Variants in KCNJ6 observed in about 807,000 individuals in gnomAD.
KCNJ6 encodes the protein potassium inwardly rectifying channel subfamily J member 6.
Under a neutral mutation model 34.2 loss-of-function variants are expected in KCNJ6, and 9 were observed. That is an observed-to-expected ratio of 0.26 (90% CI 0.16 to 0.46). KCNJ6 has a LOEUF of 0.46. KCNJ6 is among the 20% of genes least tolerant of loss of function. KCNJ6 has a pLI of 1.00. For missense variants in KCNJ6, 236 were observed against 531.3 expected (o/e 0.44, Z 5.46); for synonymous variants, 196 against 207.1 (o/e 0.95, Z 0.46).
At chr21:37,826,853 C>A in intron 2 of KCNJ6, among the ~76,000 whole-genome samples, 1 of 152,088 alleles carries the variant, frequency 6.6e-6, no homozygotes, top group East Asian at 1.9e-4. Context: ...CACACACAAG[C>A]AGAGAGTAGC....
intron 3 of KCNJ6, among the ~76,000 whole-genome samples, chr21:37,707,020 C>T (rs968444697): frequency 1.3e-5 from 2 of 152,224 alleles, no homozygotes; most frequent in African/African-American, 4.8e-5. Flanking sequence ...AATGATGAGA[C>T]GTTACTATCT....
intron 2 of KCNJ6, among the ~76,000 whole-genome samples, chr21:37,750,735 G>A (rs374155030): frequency 5.1e-4 from 77 of 152,222 alleles, no homozygotes; most frequent in East Asian, 1.5e-3. Flanking sequence ...TGTCTAGGGT[G>A]GGGGGCTAGG....
chr21:37,716,756 C>T (rs2054793513), intron 2 of KCNJ6, among the ~76,000 whole-genome samples: 1 of 152,110 alleles, frequency 6.6e-6, no homozygotes, highest in African/African-American at 2.4e-5. Context: ...GGAAAGCTCT[C>T]CTAAAACTTG....
At chr21:37,667,161 A>T (rs1282239890) in intron 3 of KCNJ6, among the ~76,000 whole-genome samples, 1 of 109,176 alleles carries the variant, frequency 9.2e-6, no homozygotes, top group African/African-American at 2.9e-5. Flanking sequence ...TACTAAAAAA[A>T]AAAAAAAAAA....
At chr21:37,759,347 C>A (rs534346355) in intron 2 of KCNJ6, among the ~76,000 whole-genome samples, 1 of 152,182 alleles carries the variant, frequency 6.6e-6, no homozygotes, top group Non-Finnish European at 1.5e-5. Flanking sequence ...CACTGAACGG[C>A]AGAATGTTTG....
chr21:37,909,478 G>A (rs945429262), intron 1 of KCNJ6, among the ~76,000 whole-genome samples: 1 of 151,560 alleles, frequency 6.6e-6, no homozygotes, highest in African/African-American at 2.4e-5. Flanking sequence ...CAATTCTTGT[G>A]CCTCAGCCTC....
intron 2 of KCNJ6, among the ~76,000 whole-genome samples, chr21:37,789,405 A>G (rs2055206686): frequency 6.6e-6 from 1 of 152,198 alleles, no homozygotes; most frequent in African/African-American, 2.4e-5. Flanking sequence ...AGGCCATGTG[A>G]GCATGTAGCA....
intron 2 of KCNJ6, among the ~76,000 whole-genome samples, chr21:37,788,922 G>A (rs1358464794): frequency 6.6e-6 from 1 of 152,142 alleles, no homozygotes; most frequent in African/African-American, 2.4e-5. Context: ...GTGGTTTTCT[G>A]TTCTCTATCA....
chr21:37,682,366 G>A (rs1376839103), intron 3 of KCNJ6, among the ~76,000 whole-genome samples: 1 of 152,202 alleles, frequency 6.6e-6, no homozygotes, highest in African/African-American at 2.4e-5. Flanking sequence ...AGCCAGCAGG[G>A]TCAAAGAGCT....
intron 3 of KCNJ6, among the ~76,000 whole-genome samples, chr21:37,661,614 G>GTTT (rs59026391): frequency 2.8e-5 from 2 of 71,170 alleles, no homozygotes; most frequent in African/African-American, 1.1e-4. Context: ...AAGAGACATA[G>GTTT]TTTTTTTTTT....
chr21:37,669,211 G>C (rs997421623), intron 3 of KCNJ6, among the ~76,000 whole-genome samples: 1 of 152,022 alleles, frequency 6.6e-6, no homozygotes, highest in African/African-American at 2.4e-5. Flanking sequence ...GACCTGTAAG[G>C]CACCCCCCCA....
chr21:37,886,346 G>A (rs916787946), intron 1 of KCNJ6, among the ~76,000 whole-genome samples: 4 of 152,078 alleles, frequency 2.6e-5, no homozygotes, highest in African/African-American at 9.7e-5. Flanking sequence ...AGTGTTGCCT[G>A]GTGACAGCCA....
chr21:37,805,391 TAAAAA>T (rs574789849), intron 2 of KCNJ6, among the ~76,000 whole-genome samples: 127 of 151,682 alleles, frequency 8.4e-4, no homozygotes, highest in Non-Finnish European at 1.4e-3. Flanking sequence ...AAGATGATGA[TAAAAA>T]TAAAAAAAAT....
At chr21:37,815,307 G>A (rs917376006) in intron 2 of KCNJ6, among the ~76,000 whole-genome samples, 2 of 152,214 alleles carry the variant, frequency 1.3e-5, no homozygotes, top group Non-Finnish European at 2.9e-5. Context: ...ATGCTTGAGA[G>A]GATGGATACC....
chr21:37,759,159 G>C (rs2055047328), intron 2 of KCNJ6, among the ~76,000 whole-genome samples: 1 of 152,178 alleles, frequency 6.6e-6, no homozygotes, highest in African/African-American at 2.4e-5. Flanking sequence ...CTGTCCCCCA[G>C]GTGGCAGGGG....
chr21:37,898,535 T>A (rs1017757903), intron 1 of KCNJ6, among the ~76,000 whole-genome samples: 1 of 145,090 alleles, frequency 6.9e-6, no homozygotes, highest in Non-Finnish European at 1.5e-5. Flanking sequence ...TGAGCCAAGA[T>A]CACGCTACTG....
chr21:37,874,419 C>T (rs1410816606), intron 1 of KCNJ6, among the ~76,000 whole-genome samples: 1 of 152,240 alleles, frequency 6.6e-6, no homozygotes, highest in African/African-American at 2.4e-5. Flanking sequence ...CCCTTGAACT[C>T]CAGACTCATA....
intron 2 of KCNJ6, among the ~76,000 whole-genome samples, chr21:37,733,583 C>A (rs1416959070): frequency 4.6e-5 from 7 of 152,108 alleles, no homozygotes; most frequent in Admixed American, 4.6e-4. Flanking sequence ...CCAACTTCTA[C>A]CCTGAAAAAT....
At position 37,616,600 on chromosome 21, in the gene KCNJ6, T is replaced by TATATATATATATATATAC. The variant is rs1556008734; in HGVS notation, c.*8558_*8559insGTATATATATATATATAT. 2 of 123,108 alleles carry TATATATATATATATATAC rather than the reference T, an allele frequency of 1.6e-5. 1 individual carries two copies. Among genetic ancestry groups the TATATATATATATATATAC allele is most frequent in the Non-Finnish European group, 3.4e-5 (2 of 59,530 alleles). The allele number at this position is 123,108 out of a possible 1,614,324, so 7.6% of individuals were successfully genotyped here. On this transcript the variant is annotated 3_prime_UTR_variant, in exon 4 of 4. Coordinates refer to ENST00000609713, the MANE Select transcript of KCNJ6 (RefSeq NM_002240.5). ...CAGGAACAAAATGTACATATATATA[T>TATATATATATATATATAC]ATATATATATATATATGGTTAGACT...
Sources: allele counts gnomAD v4.1 joint callset (sites outside exome capture counted in the v4.1 genomes callset), GRCh38; gene constraint gnomAD v4.1.1; transcripts MANE v1.5; gene names NCBI Gene and HGNC (gene_info 2026-07-23, HGNC 2026-07-21).